The following SLC44A5 variants were observed in gnomAD, a reference collection of about 807,000 sequenced individuals.
SLC44A5 encodes the protein choline transporter-like protein 5.
A neutral mutation model predicts 101.8 loss-of-function variants in SLC44A5; 57 were observed. The observed-to-expected ratio is 0.56, with a 90% CI of 0.45 to 0.70. SLC44A5 has a LOEUF of 0.70. Among genes scored for constraint, SLC44A5 ranks in the 30% least tolerant of loss-of-function variants. The pLI is 0.00. For synonymous variants in SLC44A5, 281 were observed against 290.9 expected, an observed-to-expected ratio of 0.97 and a Z score of 0.35; for missense variants, 737 against 853.1, an observed-to-expected ratio of 0.86 and a Z score of 1.70.
chr1:75,493,855 TC>T (rs202116938), intron 2 of SLC44A5, among the ~76,000 whole-genome samples: 1,546 of 152,244 alleles, frequency 0.01, 13 homozygotes, highest in South Asian at 0.015. Flanking sequence ...GTTTATAGAC[TC>T]CTGTACACAA....
At chr1:75,475,260 T>C (rs1667319571) in intron 2 of SLC44A5, among the ~76,000 whole-genome samples, 1 of 152,200 alleles carries the variant, frequency 6.6e-6, no homozygotes, top group Non-Finnish European at 1.5e-5. Flanking sequence ...GAGGAAACCT[T>C]GTAAAAGACA....
At chr1:75,589,746 T>C (rs968732241) in intron 1 of SLC44A5, among the ~76,000 whole-genome samples, 5 of 152,140 alleles carry the variant, frequency 3.3e-5, no homozygotes, top group Non-Finnish European at 5.9e-5. Flanking sequence ...AGCATCTCTG[T>C]GTGCTCGGGG....
At chr1:75,722,741 TAA>T in the SLC44A5 span, among the ~76,000 whole-genome samples, 4 of 152,310 alleles carry the variant, frequency 2.6e-5, no homozygotes, top group Admixed American at 2.0e-4. Flanking sequence ...CCTTTTGTCT[TAA>T]GTTATCATTT....
intron 6 of SLC44A5, among the ~76,000 whole-genome samples, chr1:75,254,191 A>G (rs965434481): frequency 5.3e-5 from 8 of 152,028 alleles, no homozygotes; most frequent in African/African-American, 1.9e-4. Context: ...GGCACCTACC[A>G]CCATGCCCAG....
rs1249822732 is a variant in SLC44A5, at chr1:75,203,331, C to G, written c.*396G>C. The stretch of plus-strand genomic sequence containing the variant: ...AAATTTTTAATTTCACTTTGCTGAC[C>G]AATTTTCCCTGCAGAAGAAGTCTTC... On this transcript the variant is annotated 3_prime_UTR_variant, in exon 24 of 24. Coordinates refer to ENST00000370859, the MANE Select transcript of SLC44A5 (RefSeq NM_001130058.2). 1 of 153,156 alleles carries G rather than the reference C, an allele frequency of 6.5e-6. No individual in the cohort carries two copies. Among genetic ancestry groups the G allele is most frequent in the African/African-American group, 2.4e-5 (1 of 41,444 alleles). 9.5% of individuals were successfully genotyped at this position (153,156 alleles called of 1,614,324 possible). A position where few individuals can be genotyped will look rare whatever the true frequency, so the allele number is the denominator to read the frequency against.
Position 75,532,673 on chromosome 1 carries a change from T to G in SLC44A5, c.13+8762A>C, listed in dbSNP as rs543998994. Among the ~76,000 whole-genome samples the G allele has an allele frequency of 2.0e-5, 3 of 152,334 alleles. No homozygotes were observed. The South Asian group carries it at 6.2e-4, about 32-fold the overall frequency. On this transcript the variant is annotated intron_variant, in intron 2 of 23. Coordinates refer to ENST00000370859, the MANE Select transcript of SLC44A5 (RefSeq NM_001130058.2). ...GTAAGAGCTATAAAACTGCCAAAGA[T>G]TTTTGTCCATTTTGCTAAGAGCTGT...
chr1:75,659,849 T>G, the SLC44A5 span, among the ~76,000 whole-genome samples: 1 of 152,024 alleles, frequency 6.6e-6, no homozygotes, highest in African/African-American at 2.4e-5. Context: ...CCAAATGTAA[T>G]AATACATTAA....
intron 16 of SLC44A5, 79 bp from the exon 17 acceptor site, chr1:75,218,831 CCCTTAATTGCATAT>C (rs1647017260): frequency 3.7e-6 from 5 of 1,360,686 alleles, no homozygotes; most frequent in Non-Finnish European, 5.0e-6. Flanking sequence ...TTTCCTCTTC[CCCTTAATTGCATAT>C]CCTGTTGTTT....
intron 2 of SLC44A5, among the ~76,000 whole-genome samples, chr1:75,448,121 G>A (rs1311837070): frequency 6.6e-6 from 1 of 152,158 alleles, no homozygotes; most frequent in Non-Finnish European, 1.5e-5. Context: ...TCCACCATCT[G>A]AAACAATTTG....
intron 4 of SLC44A5, among the ~76,000 whole-genome samples, chr1:75,309,739 C>T (rs944806376): frequency 6.6e-6 from 1 of 152,134 alleles, no homozygotes; most frequent in Admixed American, 6.5e-5. Context: ...TCGGTACATA[C>T]CTATTGAATG....
chr1:75,338,296 A>G (rs1657601525), intron 4 of SLC44A5, among the ~76,000 whole-genome samples: 1 of 152,192 alleles, frequency 6.6e-6, no homozygotes, highest in African/African-American at 2.4e-5. Flanking sequence ...ATTAAATTCT[A>G]CATAATGGAA....
chr1:75,405,595 C>A (rs1662797685), intron 2 of SLC44A5, among the ~76,000 whole-genome samples: 1 of 152,094 alleles, frequency 6.6e-6, no homozygotes, highest in African/African-American at 2.4e-5. Context: ...ACAACCTGCT[C>A]CTGAATGACT....
the SLC44A5 span, chr1:75,641,352 T>G: frequency 1.3e-6 from 1 of 743,808 alleles, no homozygotes; most frequent in Non-Finnish European, 2.4e-6. Context: ...CTCTTAACAT[T>G]AGTATCGTCT....
intron 1 of SLC44A5, among the ~76,000 whole-genome samples, chr1:75,556,163 T>C (rs1170404404): frequency 6.6e-6 from 1 of 152,096 alleles, no homozygotes; most frequent in East Asian, 1.9e-4. Flanking sequence ...GATCATGATG[T>C]GAAACTTTTT....
the SLC44A5 span, among the ~76,000 whole-genome samples, chr1:75,707,181 A>G: frequency 1.3e-5 from 2 of 152,220 alleles, no homozygotes; most frequent in African/African-American, 4.8e-5. Context: ...AATAAATGCC[A>G]GGTCTGTCCC....
chr1:75,253,491 A>G (rs1296250044), intron 6 of SLC44A5, among the ~76,000 whole-genome samples: 1 of 152,212 alleles, frequency 6.6e-6, no homozygotes, highest in African/African-American at 2.4e-5. Context: ...ATGGCTGAAG[A>G]AGCTGTTTAT....
chr1:75,704,069 C>G, the SLC44A5 span, among the ~76,000 whole-genome samples: 1 of 151,898 alleles, frequency 6.6e-6, no homozygotes, highest in Admixed American at 6.6e-5. Flanking sequence ...GAAAACAAAA[C>G]CAGGGAGAAA....
intron 1 of SLC44A5, among the ~76,000 whole-genome samples, chr1:75,595,973 C>A (rs1026570698): frequency 6.6e-6 from 1 of 152,148 alleles, no homozygotes; most frequent in Non-Finnish European, 1.5e-5. Context: ...TATTACATAT[C>A]TGACCTATTG....
chr1:75,477,367 C>G (rs1023174511), intron 2 of SLC44A5, among the ~76,000 whole-genome samples: 4 of 152,336 alleles, frequency 2.6e-5, no homozygotes, highest in African/African-American at 9.6e-5. Context: ...TCCAAAGGAA[C>G]GCAGTTCCTC....
Sources: gnomAD v4.1 joint callset for allele counts (sites outside exome capture counted in the v4.1 genomes callset) on GRCh38, gnomAD v4.1.1 for gene constraint, MANE v1.5 for transcripts, NCBI Gene and HGNC (gene_info 2026-07-23, HGNC 2026-07-21) for gene names.